MMP17: variants seen among roughly 807,000 people sequenced by gnomAD.
The protein encoded by MMP17 is matrix metallopeptidase 17.
A neutral mutation model predicts 49.1 loss-of-function variants in MMP17; 54 were observed. The ratio of observed to expected loss-of-function variants is 1.10; its 90% CI spans 0.88 to 1.38. MMP17 has a LOEUF of 1.38. Among genes scored for constraint, MMP17 ranks in the 40% most tolerant of loss-of-function variants. The probability of loss-of-function intolerance (pLI) is 0.00; values close to 1 mark genes in which losing one functional copy is unlikely to be tolerated. For missense variants in MMP17, 837 were observed against 853.7 expected, an observed-to-expected ratio of 0.98 and a Z score of 0.24; for synonymous variants, 397 against 383.1, an observed-to-expected ratio of 1.04 and a Z score of -0.42.
Position 131,844,074 on chromosome 12 carries a change from A to G in MMP17, c.961A>G (p.Ser321Gly). Residue 321 changes from serine (S) to glycine (G), a missense_variant, in exon 6 of 10, where the codon AGC (serine) becomes GGC (glycine). By Grantham distance (56) the Ser-to-Gly change is moderately conservative (BLOSUM62 0). Coordinates refer to ENST00000360564, the MANE Select transcript of MMP17 (RefSeq NM_016155.7). ...GCCGGAGCCCCCAGACAACCGGTCC[A>G]GCGCCCCGTAAGCCCTGGGCCCACG... ...LLPEPPDNRS[S>G]APPRKDVPHR... 1 of 1,558,830 alleles carries G rather than the reference A, an allele frequency of 6.4e-7. No individual in the cohort carries two copies. The highest frequency in any genetic ancestry group is 8.7e-7 in the Non-Finnish European group (1 of 1,154,844).
At chr12:131,842,639 A>G (rs928734480) in intron 5 of MMP17, among the ~76,000 whole-genome samples, 49 of 151,836 alleles carry the variant, frequency 3.2e-4, no homozygotes, top group Admixed American at 3.1e-3. Context: ...CGGATATGGT[A>G]GCAGGTGCCT....
intron 9 of MMP17, 42 bp from the exon 10 acceptor site, chr12:131,850,883 C>A: frequency 7.1e-7 from 1 of 1,404,144 alleles, no homozygotes; most frequent in Non-Finnish European, 9.4e-7. Flanking sequence ...GCCCCTCCTG[C>A]TGCAGCCCTC....
chr12:131,835,260 C>T (rs1033008294), intron 1 of MMP17, among the ~76,000 whole-genome samples: 1 of 152,272 alleles, frequency 6.6e-6, no homozygotes, highest in African/African-American at 2.4e-5. Context: ...ATTCCAGTGC[C>T]TCTGGGGCCA....
chr12:131,843,460 T>C (rs746973340), intron 5 of MMP17, among the ~76,000 whole-genome samples: 2 of 152,076 alleles, frequency 1.3e-5, no homozygotes, highest in African/African-American at 4.8e-5. Flanking sequence ...TTGCCCAGGC[T>C]GGTCTCAAAC....
chr12:131,844,896 G>C lies in MMP17; in HGVS notation c.969-222G>C, dbSNP rs1887612087. 9 of 559,570 alleles carry C rather than the reference G, an allele frequency of 1.6e-5. No homozygotes were observed. In the South Asian group the frequency reaches 1.8e-4, roughly 11 times the overall value. 34.7% of individuals were successfully genotyped at this position (559,570 alleles called of 1,614,324 possible). ...GCTCCTGCCCTCCCCGCAGCTCCCT[G>C]GCGCTCTGTATGCTCAGAGCGTAGA... On this transcript the variant is annotated intron_variant, in intron 6 of 9. Coordinates refer to ENST00000360564, the MANE Select transcript of MMP17 (RefSeq NM_016155.7).
intron 1 of MMP17, among the ~76,000 whole-genome samples, chr12:131,834,719 C>T (rs1277922370): frequency 2.0e-5 from 3 of 152,098 alleles, no homozygotes; most frequent in Non-Finnish European, 2.9e-5. Flanking sequence ...CAGGACTGTG[C>T]TCCAGGCCTG....
At chr12:131,844,950 A>AAAT in intron 6 of MMP17, 168 bp from the exon 7 acceptor site, 2 of 640,204 alleles carry the variant, frequency 3.1e-6, no homozygotes, top group South Asian at 1.8e-5. Context: ...GAAGCGGTGG[A>AAAT]CAGGCACCCC....
chr12:131,838,169 C>T (rs979764732), intron 1 of MMP17, 26 bp from the exon 2 acceptor site: 1 of 1,585,820 alleles, frequency 6.3e-7, no homozygotes, highest in African/African-American at 1.3e-5. Context: ...TCTGTTGCAC[C>T]CCCTCACCCT....
intron 8 of MMP17, 65 bp from the exon 9 acceptor site, chr12:131,849,737 C>A: frequency 6.5e-7 from 1 of 1,540,464 alleles, no homozygotes; most frequent in Non-Finnish European, 8.8e-7. Flanking sequence ...GAAGGAAAGG[C>A]AGGAGCCTCC....
At position 131,849,878 on chromosome 12, in the gene MMP17, G is replaced by A. The variant is rs757130498; in HGVS notation, c.1281G>A (p.Pro427=). The A allele has an allele frequency of 5.6e-6, 9 of 1,613,904 alleles. No individual in the cohort carries two copies. In the East Asian group the frequency reaches 6.7e-5, roughly 12 times the overall value. ...GCCCCGTCTCCGACTTCAGCCTCCC[G>A]CCTGGCGGCATCGACGCTGCCTTCT... ...YPRPVSDFSL[P]PGGIDAAFSW... Residue 427 remains proline, a synonymous_variant, in exon 9 of 10, where the codon CCG becomes CCA. Coordinates refer to ENST00000360564, the MANE Select transcript of MMP17 (RefSeq NM_016155.7).
rs1325547299 is a variant in MMP17, at chr12:131,838,748, G to A, written c.422+7G>A. ...AGAGGAACCTGTCGTGGAGGTGGGT[G>A]TGTGGCCAGGGTGAGGAGCGGGGCC... On this transcript the variant is annotated splice_region_variant and intron_variant, in intron 3 of 9. Transcript: ENST00000360564. 6.5e-7 allele frequency: 1 copy of A among 1,548,084 alleles called. No individual in the cohort carries two copies. Among genetic ancestry groups the A allele is most frequent in the South Asian group, 1.2e-5 (1 of 83,178 alleles).
chr12:131,828,517 G>T lies in MMP17; in HGVS notation c.23G>T (p.Gly8Val). 3.4e-5 allele frequency: 34 copies of T among 995,596 alleles called. No individual in the cohort carries two copies. The highest frequency in any genetic ancestry group is 3.9e-5 in the Non-Finnish European group (33 of 838,076). The allele number at this position is 995,596 out of a possible 1,614,324, so 61.7% of individuals were successfully genotyped here. A position where few individuals can be genotyped will look rare whatever the true frequency, so the allele number is the denominator to read the frequency against. The change falls in exon 1 of 10, where the codon GGA becomes GTA. Residue 8 changes from glycine (G) to valine (V), a missense_variant. By Grantham distance (109) the Gly-to-Val change is moderately radical. Transcript: ENST00000360564. ...GCCATGCGGCGCCGCGCAGCCCGGG[G>T]ACCCGGCCCGCCGCCCCCAGGGCCC... is the stretch of plus-strand genomic sequence containing the variant. MRRRAAR[G>V]PGPPPPGPGL... is the part of the protein sequence containing the mutation.
chr12:131,838,639 C>A lies in MMP17; in HGVS notation c.320C>A (p.Thr107Asn). ...LDEATLALMK[T>N]PRCSLPDLPV... ...GAGGCCACCCTGGCCCTGATGAAAACCCCACGCTGCTCCCTGCCAGACCTC... is the reference window on the plus strand; with the variant it reads ...GAGGCCACCCTGGCCCTGATGAAAAACCCACGCTGCTCCCTGCCAGACCTC... The change falls in exon 3 of 10, where the codon ACC becomes AAC. Residue 107 changes from threonine to asparagine, a missense_variant. Physicochemically the swap from Thr to Asn is moderately conservative, Grantham distance 65 (BLOSUM62 0). Coordinates refer to ENST00000360564, the MANE Select transcript of MMP17 (RefSeq NM_016155.7). 1 of 1,611,332 alleles carries A rather than the reference C, an allele frequency of 6.2e-7. No homozygotes were observed. The highest frequency in any genetic ancestry group is 8.5e-7 in the Non-Finnish European group (1 of 1,179,762).
intron 1 of MMP17, 45 bp from the exon 2 acceptor site, chr12:131,838,150 A>T: frequency 1.3e-6 from 2 of 1,567,522 alleles, no homozygotes; most frequent in African/African-American, 1.4e-5. Context: ...ACTGGGTAGG[A>T]CCGGGCCCTC....
At chr12:131,844,785 C>T (rs1008337007) in intron 6 of MMP17, 1 of 359,428 alleles carries the variant, frequency 2.8e-6, no homozygotes. Flanking sequence ...TAGGCCCGGG[C>T]TTGGGGTCCC....
chr12:131,846,949 C>T lies in MMP17; in HGVS notation c.1204+1500C>T, dbSNP rs937258591. Among the ~76,000 whole-genome samples, 17 of 152,028 alleles carry T rather than the reference C, an allele frequency of 1.1e-4. No individual in the cohort carries two copies. The highest frequency in any genetic ancestry group is 5.2e-4 in the Admixed American group (8 of 15,264). On this transcript the variant is annotated intron_variant, in intron 8 of 9. Coordinates refer to ENST00000360564, the MANE Select transcript of MMP17 (RefSeq NM_016155.7). This position sits in a 1 kb window ranked among gnomAD's most constrained non-coding sequence, Gnocchi z 4.6. The stretch of plus-strand genomic sequence containing the variant: ...TCACCCCCATCACCTGGGAGCCCTC[C>T]GGTGACTGTTCCCGGAGGCCTGATC...
intron 4 of MMP17, 118 bp downstream of exon 4, chr12:131,840,974 T>C (rs1244859595): frequency 1.6e-6 from 2 of 1,246,202 alleles, no homozygotes; most frequent in South Asian, 1.6e-5. Context: ...CGGCTGCTCC[T>C]GAGCACGGCT....
rs1887690906 is a variant in MMP17, at chr12:131,846,109, G to T, written c.1204+660G>T. Among the ~76,000 whole-genome samples the T allele has an allele frequency of 6.6e-6, 1 of 152,198 alleles. No homozygotes were observed. Among genetic ancestry groups the T allele is most frequent in the Non-Finnish European group, 1.5e-5 (1 of 68,024 alleles). ...AGGGGCAGGTGGGGGTGGCAGGGCT[G>T]CAGGACAGAGACCCCCATGCTGGGC... is the stretch of plus-strand genomic sequence containing the variant. On this transcript the variant is annotated intron_variant, in intron 8 of 9. Coordinates refer to ENST00000360564, the MANE Select transcript of MMP17 (RefSeq NM_016155.7). The surrounding 1 kb of genome is among the most constrained non-coding windows in gnomAD (Gnocchi z 4.6).
At chr12:131,832,965 G>A (rs1886902653) in intron 1 of MMP17, among the ~76,000 whole-genome samples, 1 of 152,034 alleles carries the variant, frequency 6.6e-6, no homozygotes, top group Non-Finnish European at 1.5e-5. Context: ...GATGTTCCCT[G>A]AGCACCCATT....
Sources: allele counts gnomAD v4.1 joint callset (sites outside exome capture counted in the v4.1 genomes callset), GRCh38; gene constraint gnomAD v4.1.1; non-coding constraint Gnocchi (gnomAD v3.1); transcripts MANE v1.5; gene names NCBI Gene and HGNC (gene_info 2026-07-23, HGNC 2026-07-21).